Variants in UNC50 observed in about 807,000 individuals in gnomAD.
UNC50 encodes the protein unc-50 inner nuclear membrane RNA binding protein, also known as protein unc-50 homolog.
Under a neutral mutation model 31.5 loss-of-function variants are expected in UNC50, and 24 were observed. The ratio of observed to expected loss-of-function variants is 0.76; its 90% CI spans 0.55 to 1.07. UNC50 has a LOEUF of 1.07. UNC50 is among the 50% of genes least tolerant of loss of function. The probability of loss-of-function intolerance (pLI) is 0.00; values close to 1 mark genes in which losing one functional copy is unlikely to be tolerated. For missense variants in UNC50, 245 were observed against 304.2 expected, an observed-to-expected ratio of 0.81 and a Z score of 1.45; for synonymous variants, 118 against 114.7, an observed-to-expected ratio of 1.03 and a Z score of -0.18.
At chr2:98,608,780 C>T (rs1575227124) in intron 1 of UNC50, 54 bp downstream of exon 1, 1 of 303,546 alleles carries the variant, frequency 3.3e-6, no homozygotes, top group Non-Finnish European at 6.3e-6. Context: ...CGCCGGGGGC[C>T]ATTTAATCCC....
Position 98,618,247 on chromosome 2 carries a change from A to C in UNC50, c.723A>C (p.Ala241=). Residue 241 remains alanine (A), a synonymous_variant, in exon 6 of 6, where the codon GCA becomes GCC. Transcript: ENST00000357765. ...TTCTGCTCTACGGGCTTTCCCTGGC[A>C]CTGGGATGGAACTTCACCCATACTC... ...PLILLYGLSL[A]LGWNFTHTLC... is the part of the protein sequence containing the mutation. The C allele has an allele frequency of 6.2e-7, 1 of 1,612,322 alleles. No homozygotes were observed. The highest frequency in any genetic ancestry group is 1.1e-5 in the South Asian group (1 of 90,814).
In UNC50 at chr2:98,608,615, G is replaced by A; in HGVS notation, c.-116G>A. 2 of 596,830 alleles carry A rather than the reference G, an allele frequency of 3.4e-6. No individual in the cohort carries two copies. Among genetic ancestry groups the A allele is most frequent in the Non-Finnish European group, 5.9e-6 (2 of 336,788 alleles). 37.0% of individuals were successfully genotyped at this position (596,830 alleles called of 1,614,324 possible). ...GTTCCCGTGACGCGGCGCGCCCCAA[G>A]GGCCGGCTCCGTTGAGGGAAGGGAA... On this transcript the variant is annotated 5_prime_UTR_variant, in exon 1 of 6. Transcript: ENST00000357765.
At chr2:98,610,623 C>G in intron 2 of UNC50, 152 bp from the exon 3 acceptor site, 1 of 953,288 alleles carries the variant, frequency 1.0e-6, no homozygotes. Flanking sequence ...AGTGGCCACG[C>G]TGTGTCCCAA....
At chr2:98,617,818 G>A (rs1363149095) in intron 5 of UNC50, among the ~76,000 whole-genome samples, 1 of 152,142 alleles carries the variant, frequency 6.6e-6, no homozygotes, top group Non-Finnish European at 1.5e-5. Context: ...GACTCCTAGA[G>A]GTTTCTGAGG....
rs749765905 is a variant in UNC50, at chr2:98,609,977, C to T, written c.218C>T (p.Thr73Met). 5.0e-6 allele frequency: 8 copies of T among 1,614,174 alleles called. No homozygotes were observed. Among genetic ancestry groups the T allele is most frequent in the African/African-American group, 1.3e-5 (1 of 75,046 alleles). The change falls in exon 2 of 6, where the codon ACG (threonine) becomes ATG (methionine). Residue 73 changes from threonine (T) to methionine (M), a missense_variant. Transcript: ENST00000357765. ...VYRNFHYRKQ[T>M]KDQWARDDPA... ...AGAAATTTTCATTATCGAAAACAGA[C>T]GAAGGACCAGTGGGCCAGAGATGAC...
At chr2:98,616,058 C>G in intron 3 of UNC50, 149 bp from the exon 4 acceptor site, 3 of 680,954 alleles carry the variant, frequency 4.4e-6, no homozygotes, top group Non-Finnish European at 7.3e-6. Flanking sequence ...TCATTGTCAG[C>G]CTTCCTTCCT....
rs533029003 is a variant in UNC50, at chr2:98,618,115, A to AGTC, written c.644-52_644-50dup. 1.7e-4 allele frequency: 235 copies of AGTC among 1,352,480 alleles called. 3 individuals carry two copies. The African/African-American group carries it at 3.3e-3, about 19-fold the overall frequency. 83.8% of individuals were successfully genotyped at this position (1,352,480 alleles called of 1,614,324 possible). Reference sequence around the variant, plus strand: ...CTGTCTTTCAAAATGTTCATTTATTAGTCATTTATTTTTTTTTTTTTTTAA... The same window carrying AGTC: ...CTGTCTTTCAAAATGTTCATTTATTAGTCGTCATTTATTTTTTTTTTTTTTTAA... On this transcript the variant is annotated intron_variant, in intron 5 of 5. Transcript: ENST00000357765.
chr2:98,609,427 A>G, intron 1 of UNC50: 1 of 392,804 alleles, frequency 2.5e-6, no homozygotes, highest in East Asian at 4.8e-5. Flanking sequence ...ATTTCGAGTC[A>G]GATTTCCAAT....
In UNC50 at chr2:98,608,641, G is replaced by T. The variant is rs1181059149; in HGVS notation, c.-90G>T. 5.2e-6 allele frequency: 3 copies of T among 571,680 alleles called. No individual in the cohort carries two copies. In the Admixed American group the frequency reaches 9.2e-5, roughly 18 times the overall value. The allele number at this position is 571,680 out of a possible 1,614,324, so 35.4% of individuals were successfully genotyped here. A position where few individuals can be genotyped will look rare whatever the true frequency, so the allele number is the denominator to read the frequency against. On this transcript the variant is annotated 5_prime_UTR_variant, in exon 1 of 6. Transcript: ENST00000357765. ...GGCCGGCTCCGTTGAGGGAAGGGAAGCCCGCCCGGTGGCGGCTGGGGTCGG... is the reference window on the plus strand; with the variant it reads ...GGCCGGCTCCGTTGAGGGAAGGGAATCCCGCCCGGTGGCGGCTGGGGTCGG...
At chr2:98,609,341 T>G (rs1700777740) in intron 1 of UNC50, 2 of 239,680 alleles carry the variant, frequency 8.3e-6, no homozygotes, top group Non-Finnish European at 1.7e-5. Context: ...TTTGACCTCT[T>G]CAGTAACACT....
At position 98,616,412 on chromosome 2, in the gene UNC50, G is replaced by A. The variant is rs1019969583; in HGVS notation, c.542-20G>A. On this transcript the variant is annotated intron_variant, in intron 4 of 5. Transcript: ENST00000357765. ...GCATGCATTGGTAAAGGGACTCATG[G>A]TCTGCGTCTCTTCTGGCAGATGTTA... is the stretch of plus-strand genomic sequence containing the variant. 2.5e-6 allele frequency: 4 copies of A among 1,613,580 alleles called. No homozygotes were observed. The highest frequency in any genetic ancestry group is 3.4e-6 in the Non-Finnish European group (4 of 1,179,584).
At position 98,609,870 on chromosome 2, in the gene UNC50, GCTT is replaced by G; in HGVS notation, c.112_114del (p.Leu38del). 1 of 1,614,210 alleles carries G rather than the reference GCTT, an allele frequency of 6.2e-7. No individual in the cohort carries two copies. The highest frequency in any genetic ancestry group is 8.5e-7 in the Non-Finnish European group (1 of 1,180,038). On this transcript the variant is annotated inframe_deletion, in exon 2 of 6. Coordinates refer to ENST00000357765, the MANE Select transcript of UNC50 (RefSeq NM_014044.7). ...CGAAACGCTACAAATATCTGAGAAGGCTTTTCCGCTTTCGGCAAATGGACTTTG... is the reference window on the plus strand; with the variant it reads ...CGAAACGCTACAAATATCTGAGAAGGTTCCGCTTTCGGCAAATGGACTTTG...
intron 1 of UNC50, 100 bp downstream of exon 1, chr2:98,608,826 G>A: frequency 3.7e-6 from 1 of 273,240 alleles, no homozygotes; most frequent in Non-Finnish European, 7.1e-6. Context: ...CGGCCTGGCA[G>A]TGACCATGTC....
At chr2:98,610,622 G>A (rs932105209) in intron 2 of UNC50, among the ~76,000 whole-genome samples, 153 bp from the exon 3 acceptor site, 2 of 152,180 alleles carry the variant, frequency 1.3e-5, no homozygotes, top group African/African-American at 2.4e-5. Flanking sequence ...CAGTGGCCAC[G>A]CTGTGTCCCA....
chr2:98,610,130 T>C (rs908097308), intron 2 of UNC50, 91 bp downstream of exon 2: 47 of 1,301,036 alleles, frequency 3.6e-5, no homozygotes, highest in Non-Finnish European at 4.3e-5. Flanking sequence ...AATCTGGAAA[T>C]ATTGGAAACT....
chr2:98,617,147 A>G (rs1559149554), intron 5 of UNC50, among the ~76,000 whole-genome samples: 1 of 152,234 alleles, frequency 6.6e-6, no homozygotes, highest in Non-Finnish European at 1.5e-5. Flanking sequence ...AGGAACATAT[A>G]TTATTTTTCA....
intron 3 of UNC50, among the ~76,000 whole-genome samples, chr2:98,613,081 A>C (rs1199377192): frequency 6.6e-6 from 1 of 152,202 alleles, no homozygotes; most frequent in African/African-American, 2.4e-5. Context: ...AAAATGACAT[A>C]TGCCTGTATT....
intron 3 of UNC50, among the ~76,000 whole-genome samples, chr2:98,611,439 G>A (rs1384273759): frequency 6.6e-6 from 1 of 152,208 alleles, no homozygotes; most frequent in Non-Finnish European, 1.5e-5. Context: ...GGCAGGTACA[G>A]GAATAGTCAT....
chr2:98,615,677 C>T (rs925250620), intron 3 of UNC50, among the ~76,000 whole-genome samples: 1 of 152,146 alleles, frequency 6.6e-6, no homozygotes, highest in African/African-American at 2.4e-5. Flanking sequence ...TTCTCAGATC[C>T]GCCACCAGGG....
Sources: gnomAD v4.1 joint callset for allele counts (sites outside exome capture counted in the v4.1 genomes callset) on GRCh38, gnomAD v4.1.1 for gene constraint, MANE v1.5 for transcripts, NCBI Gene and HGNC (gene_info 2026-07-23, HGNC 2026-07-21) for gene names.